Variants in MGAT5B observed in about 807,000 individuals in gnomAD.
MGAT5B encodes alpha-1,6-mannosylglycoprotein 6-beta-N-acetylglucosaminyltransferase B.
MGAT5B carries 54 observed loss-of-function variants against 95.1 expected under a neutral mutation model. That is an observed-to-expected ratio of 0.57 (90% confidence interval 0.46 to 0.71). The LOEUF is 0.71. Ranked by LOEUF, MGAT5B falls within the 30% of genes least tolerant of loss-of-function variation. MGAT5B has a pLI of 0.00. For missense variants in MGAT5B, 935 were observed against 1,088.6 expected (o/e 0.86, Z 1.99); for synonymous variants, 464 against 451.0 (o/e 1.03, Z -0.36).
Position 76,886,118 on chromosome 17 carries a change from C to T in MGAT5B, c.329+3820C>T, listed in dbSNP as rs73371842. ...TTCAAATGGCATCGTATTATGTATCCTCAAGCCAAATAGTAATGATCTTTG... is the reference window on the plus strand; with the variant it reads ...TTCAAATGGCATCGTATTATGTATCTTCAAGCCAAATAGTAATGATCTTTG... On this transcript the variant is annotated intron_variant, in intron 3 of 17. Coordinates refer to ENST00000569840, the MANE Select transcript of MGAT5B (RefSeq NM_001199172.2). Among the ~76,000 whole-genome samples the T allele has an allele frequency of 9.9e-3, 1,509 of 152,320 alleles. 18 individuals are homozygous for T. The highest frequency in any genetic ancestry group is 0.035 in the African/African-American group (1,447 of 41,568).
chr17:76,894,399 G>T (rs1444217411), intron 3 of MGAT5B, among the ~76,000 whole-genome samples: 2 of 152,224 alleles, frequency 1.3e-5, no homozygotes, highest in East Asian at 3.8e-4. Flanking sequence ...GACATTAAAT[G>T]AGATCAGAGT....
At chr17:76,933,562 A>G (rs1969562838) in intron 12 of MGAT5B, among the ~76,000 whole-genome samples, 2 of 152,008 alleles carry the variant, frequency 1.3e-5, no homozygotes, top group Admixed American at 6.6e-5. Flanking sequence ...GCCCTTGGGC[A>G]TGAGAGGGAC....
At position 76,938,192 on chromosome 17, in the gene MGAT5B, C is replaced by T; in HGVS notation, c.1584+49C>T. The T allele has an allele frequency of 6.2e-7, 1 of 1,602,048 alleles. No homozygotes were observed. Among genetic ancestry groups the T allele is most frequent in the Non-Finnish European group, 8.5e-7 (1 of 1,172,744 alleles). ...TTCTCACACTTGCCGGCTGCAGACA[C>T]TGAGGTCACCACCCATGCCTGCCAC... On this transcript the variant is annotated intron_variant, in intron 13 of 17. Transcript: ENST00000569840. The surrounding 1 kb of genome is among the most constrained non-coding windows in gnomAD (Gnocchi z 4.3).
rs754899240 is a variant in MGAT5B, at chr17:76,947,988, C to G, written c.2082C>G (p.Ala694=). Residue 694 remains alanine (A), a synonymous_variant, in exon 17 of 18, where the codon GCC becomes GCG. Coordinates refer to ENST00000569840, the MANE Select transcript of MGAT5B (RefSeq NM_001199172.2). Reference sequence around the variant, plus strand: ...CGCACGCCCTGCGGGCCTGGCTGGCCGTGCCTGGGAGGGCCTGCACCGACA... The same window carrying G: ...CGCACGCCCTGCGGGCCTGGCTGGCGGTGCCTGGGAGGGCCTGCACCGACA... ...PPAHALRAWL[A]VPGRACTDTC... 6 of 1,612,250 alleles carry G rather than the reference C, an allele frequency of 3.7e-6. No homozygotes were observed. The highest frequency in any genetic ancestry group is 4.5e-5 in the East Asian group (2 of 44,832).
At chr17:76,887,804 G>T (rs1315082384) in intron 3 of MGAT5B, among the ~76,000 whole-genome samples, 1 of 151,702 alleles carries the variant, frequency 6.6e-6, no homozygotes, top group East Asian at 2.0e-4. Context: ...TGATCTGCCC[G>T]CCTTGGCCTC....
At chr17:76,932,257 C>G (rs888730373) in intron 10 of MGAT5B, among the ~76,000 whole-genome samples, 2 of 151,950 alleles carry the variant, frequency 1.3e-5, no homozygotes, top group South Asian at 2.1e-4. Context: ...CTCAGCCTCT[C>G]GAGTGTCTGG....
chr17:76,880,670 C>T (rs976873195), intron 2 of MGAT5B, among the ~76,000 whole-genome samples: 1 of 152,226 alleles, frequency 6.6e-6, no homozygotes, highest in African/African-American at 2.4e-5. Flanking sequence ...TCAATGACTG[C>T]CCTGGTCACA....
In MGAT5B at chr17:76,940,316, A is replaced by G. The variant is rs1179243097; in HGVS notation, c.1585-86A>G. ...CAGCTGCCTCCTGTGAATATCCCGA[A>G]GCCTCACCTTGTCCCCGGCATCCTG... On this transcript the variant is annotated intron_variant, in intron 13 of 17. Transcript: ENST00000569840. The surrounding 1 kb of genome is among the most constrained non-coding windows in gnomAD (Gnocchi z 4.3). The G allele has an allele frequency of 2.3e-5, 33 of 1,452,482 alleles. No individual in the cohort carries two copies. The highest frequency in any genetic ancestry group is 1.8e-6 in the Non-Finnish European group (2 of 1,092,794). The allele number at this position is 1,452,482 out of a possible 1,614,324, so 90.0% of individuals were successfully genotyped here.
intron 12 of MGAT5B, among the ~76,000 whole-genome samples, chr17:76,937,664 T>C (rs143134544): frequency 6.6e-6 from 1 of 152,216 alleles, no homozygotes; most frequent in Non-Finnish European, 1.5e-5. Flanking sequence ...TCAGAGGAGC[T>C]TAGAGGTCAT....
rs756248971 is a variant in MGAT5B at position 76,914,226 on chromosome 17, T to G, written c.1025+8039T>G. 2.6e-4 allele frequency: 49 copies of G among 185,106 alleles called. No individual in the cohort carries two copies. Among genetic ancestry groups the G allele is most frequent in the Non-Finnish European group, 3.9e-4 (34 of 88,042 alleles). 11.5% of individuals were successfully genotyped at this position (185,106 alleles called of 1,614,324 possible). A position where few individuals can be genotyped will look rare whatever the true frequency, so the allele number is the denominator to read the frequency against. ...TGGAAAGAGCATTGTGGTGCAGTCG[T>G]GGGGACAAAGGTCCTAAACCCAGTG... On this transcript the variant is annotated intron_variant, in intron 8 of 17. Coordinates refer to ENST00000569840, the MANE Select transcript of MGAT5B (RefSeq NM_001199172.2). This position sits in a 1 kb window ranked among gnomAD's most constrained non-coding sequence, Gnocchi z 5.1.
At chr17:76,894,338 C>T (rs909609312) in intron 3 of MGAT5B, among the ~76,000 whole-genome samples, 1 of 152,186 alleles carries the variant, frequency 6.6e-6, no homozygotes, top group African/African-American at 2.4e-5. Flanking sequence ...CCTTTGTTTC[C>T]TTCCTGATCT....
At chr17:76,888,891 G>T (rs1967765251) in intron 3 of MGAT5B, among the ~76,000 whole-genome samples, 1 of 152,236 alleles carries the variant, frequency 6.6e-6, no homozygotes, top group African/African-American at 2.4e-5. Flanking sequence ...GCCTCAGGTG[G>T]TGGAGGGAAC....
Position 76,868,589 on chromosome 17 carries a change from G to C in MGAT5B, c.-441G>C, listed in dbSNP as rs1471970991. On this transcript the variant is annotated 5_prime_UTR_variant, in exon 1 of 18. Coordinates refer to ENST00000569840, the MANE Select transcript of MGAT5B (RefSeq NM_001199172.2). This position sits in a 1 kb window ranked among gnomAD's most constrained non-coding sequence, Gnocchi z 6.3. ...CGGGGCTGAGGATCGGCGCGGCCCG[G>C]AGGCGCTGGGGACCGGGGCGCGGGC... 1 of 147,618 alleles carries C rather than the reference G, an allele frequency of 6.8e-6. No individual in the cohort carries two copies. The highest frequency in any genetic ancestry group is 1.9e-4 in the South Asian group (1 of 5,132). The allele number at this position is 147,618 out of a possible 1,614,324, so 9.1% of individuals were successfully genotyped here. A position where few individuals can be genotyped will look rare whatever the true frequency, so the allele number is the denominator to read the frequency against.
chr17:76,895,081 G>T (rs922138617), intron 3 of MGAT5B, among the ~76,000 whole-genome samples: 1 of 152,064 alleles, frequency 6.6e-6, no homozygotes, highest in African/African-American at 2.4e-5. Flanking sequence ...GCTCCTCATC[G>T]CTCGCGTTAC....
chr17:76,880,497 G>A (rs1967369461), intron 2 of MGAT5B, among the ~76,000 whole-genome samples: 1 of 152,202 alleles, frequency 6.6e-6, no homozygotes, highest in Admixed American at 6.5e-5. Flanking sequence ...TGATGCAGAA[G>A]CCGCTGGCTG....
At chr17:76,873,201 G>C (rs1253818623) in intron 2 of MGAT5B, among the ~76,000 whole-genome samples, 1 of 152,244 alleles carries the variant, frequency 6.6e-6, no homozygotes, top group Non-Finnish European at 1.5e-5. Context: ...TTTAAGCCAG[G>C]GTCTTCCAGG....
At chr17:76,894,892 A>G (rs1317955399) in intron 3 of MGAT5B, among the ~76,000 whole-genome samples, 1 of 151,982 alleles carries the variant, frequency 6.6e-6, no homozygotes, top group Non-Finnish European at 1.5e-5. Flanking sequence ...AGGCAAAAAA[A>G]AAGAACAGAT....
At position 76,889,029 on chromosome 17, in the gene MGAT5B, CT is replaced by C. The variant is rs1967774042; in HGVS notation, c.329+6733del. ...GGGTGGGCGGTGATCAGAGGCCTCG[CT>C]TGGCATTCTTTTACTTTCCGAGTGA... On this transcript the variant is annotated intron_variant, in intron 3 of 17. Coordinates refer to ENST00000569840, the MANE Select transcript of MGAT5B (RefSeq NM_001199172.2). The surrounding 1 kb of genome is among the most constrained non-coding windows in gnomAD (Gnocchi z 4.4). Among the ~76,000 whole-genome samples, 1 of 152,188 alleles carries C rather than the reference CT, an allele frequency of 6.6e-6. No homozygotes were observed. The highest frequency in any genetic ancestry group is 6.5e-5 in the Admixed American group (1 of 15,276).
chr17:76,906,334 C>A lies in MGAT5B; in HGVS notation c.1025+147C>A. The A allele has an allele frequency of 2.9e-6, 2 of 698,626 alleles. No individual in the cohort carries two copies. The highest frequency in any genetic ancestry group is 4.5e-6 in the Non-Finnish European group (2 of 442,180). The allele number at this position is 698,626 out of a possible 1,614,324, so 43.3% of individuals were successfully genotyped here. ...GACCCTGGGAGACATCCTGGTGTTC[C>A]GCAGGACATCACCACTCCTAATCCC... On this transcript the variant is annotated intron_variant, in intron 8 of 17. Transcript: ENST00000569840. The surrounding 1 kb of genome is among the most constrained non-coding windows in gnomAD (Gnocchi z 4.6).
Sources: allele counts gnomAD v4.1 joint callset (sites outside exome capture counted in the v4.1 genomes callset), GRCh38; gene constraint gnomAD v4.1.1; non-coding constraint Gnocchi (gnomAD v3.1); transcripts MANE v1.5; gene names NCBI Gene and HGNC (gene_info 2026-07-23, HGNC 2026-07-21).